The following BICDL2 variants were observed in gnomAD, a reference collection of about 807,000 sequenced individuals.
The protein encoded by BICDL2 is BICD family like cargo adaptor 2, also known as BICD family-like cargo adapter 2.
Under a neutral mutation model 56.6 loss-of-function variants are expected in BICDL2, and 62 were observed. The observed-to-expected ratio is 1.10, with a 90% CI of 0.89 to 1.35. The LOEUF is 1.35. BICDL2 is among the 40% of genes most tolerant of loss of function. The pLI is 0.00. For synonymous variants in BICDL2, 358 were observed against 319.8 expected (o/e 1.12, Z -1.27); for missense variants, 808 against 684.5 (o/e 1.18, Z -2.01).
intron 2 of BICDL2, chr16:3,032,389 G>T (rs1955670109): frequency 6.6e-6 from 1 of 152,182 alleles, no homozygotes. Flanking sequence ...TTGTGGCCTG[G>T]ACACAATATC....
chr16:3,035,082 G>C, intron 2 of BICDL2, 133 bp downstream of exon 2: 2 of 907,792 alleles, frequency 2.2e-6, no homozygotes, highest in Non-Finnish European at 3.3e-6. Context: ...CTGTTCCAAA[G>C]TGCCCCCCTC....
In BICDL2 at chr16:3,028,707, C is replaced by G; in HGVS notation, c.1231G>C (p.Val411Leu). 4 of 1,568,788 alleles carry G rather than the reference C, an allele frequency of 2.5e-6. No individual in the cohort carries two copies. Among genetic ancestry groups the G allele is most frequent in the Non-Finnish European group, 3.5e-6 (4 of 1,157,018 alleles). The part of the protein sequence containing the change: ...HSALSDRDEA[V>L]NKALELSLQL... ...CAATGGCTTGAGGCTTACTTGTTCA[C>G]GGCCTCGTCCCGGTCTGAGAGGGCA... Residue 411 changes from valine (V) to leucine (L), a missense_variant, in exon 8 of 10, where the codon GTG (valine) becomes CTG (leucine). Val to Leu is a conservative substitution (Grantham distance 32). Coordinates refer to ENST00000572449, the MANE Select transcript of BICDL2 (RefSeq NM_001369667.1).
intron 5 of BICDL2, chr16:3,030,042 T>C (rs1362844446): frequency 4.1e-6 from 2 of 489,246 alleles, no homozygotes; most frequent in Admixed American, 7.8e-5. Context: ...AGGCTGCTTG[T>C]CCCACAGTAG....
At chr16:3,036,095 C>T in intron 1 of BICDL2, 1 of 359,076 alleles carries the variant, frequency 2.8e-6, no homozygotes, top group Non-Finnish European at 5.4e-6. Context: ...TTTGACTCCA[C>T]CCTCCAGACT....
chr16:3,029,696 A>T lies in BICDL2; in HGVS notation c.806T>A (p.Leu269Gln). ...GGAGACGCGCCGCTGCAGCCTCCGC[A>T]GCGCACTCAGCGCCTCCCCAGCCTC... ...RSEAGEALSA[L>Q]RRLQRRVSEL... The change falls in exon 6 of 10, where the codon CTG becomes CAG. Residue 269 changes from leucine (L) to glutamine (Q), a missense_variant. By Grantham distance (113) the Leu-to-Gln change is moderately radical (BLOSUM62 -2). Transcript: ENST00000572449. 1 of 1,540,652 alleles carries T rather than the reference A, an allele frequency of 6.5e-7. No homozygotes were observed. The highest frequency in any genetic ancestry group is 8.7e-7 in the Non-Finnish European group (1 of 1,150,062).
At chr16:3,036,401 A>T (rs1228168225) in intron 1 of BICDL2, 1 of 454,246 alleles carries the variant, frequency 2.2e-6, no homozygotes, top group Admixed American at 2.4e-5. Flanking sequence ...GGCTCGGGTC[A>T]GAGGGCCCGA....
intron 2 of BICDL2, chr16:3,032,085 C>G (rs575598997): frequency 6.6e-6 from 1 of 152,252 alleles, no homozygotes; most frequent in South Asian, 2.1e-4. Flanking sequence ...GCGTGCGCCA[C>G]CCTGCCCGGC....
intron 2 of BICDL2, among the ~76,000 whole-genome samples, chr16:3,034,513 C>T (rs1331381934): frequency 6.6e-6 from 1 of 152,112 alleles, no homozygotes; most frequent in Non-Finnish European, 1.5e-5. Flanking sequence ...AAGTCCCGAC[C>T]TCAAGTGATC....
Position 3,030,774 on chromosome 16 carries a change from G to A in BICDL2, c.537C>T (p.Asp179=), listed in dbSNP as rs375836145. ...QTEQELQREL[D]ALRGQCQAQA... is the part of the protein sequence containing the mutation. ...GAGCCTGGCACTGTCCCCGAAGGGC[G>A]TCCAGTTCCCTCTGAAGTTCCTGCT... is the stretch of plus-strand genomic sequence containing the variant. Residue 179 remains aspartate, a synonymous_variant, in exon 4 of 10, where the codon GAC becomes GAT. Transcript: ENST00000572449. 3.2e-5 allele frequency: 51 copies of A among 1,612,106 alleles called. No homozygotes were observed. In the African/African-American group the frequency reaches 5.3e-4, roughly 17 times the overall value.
At chr16:3,036,447 T>C (rs1480449037) in intron 1 of BICDL2, 1 of 455,680 alleles carries the variant, frequency 2.2e-6, no homozygotes. Flanking sequence ...CTCCGGGGGC[T>C]CACCACCCAC....
chr16:3,036,275 G>A (rs1955731988), intron 1 of BICDL2: 2 of 453,588 alleles, frequency 4.4e-6, no homozygotes, highest in Middle Eastern at 3.3e-4. Context: ...CGAGGTAACA[G>A]GTTGTGCCGG....
rs751689056 is a variant in BICDL2 at position 3,035,304 on chromosome 16, C to T, written c.193G>A (p.Ala65Thr). 2.5e-5 allele frequency: 39 copies of T among 1,566,228 alleles called. No individual in the cohort carries two copies. Among genetic ancestry groups the T allele is most frequent in the Admixed American group, 7.6e-5 (4 of 52,744 alleles). The change falls in exon 2 of 10, where the codon GCG becomes ACG. Residue 65 changes from alanine (A) to threonine (T), a missense_variant. By Grantham distance (58) the Ala-to-Thr change is moderately conservative. Coordinates refer to ENST00000572449, the MANE Select transcript of BICDL2 (RefSeq NM_001369667.1). ...QQKEKDLLLA[A>T]ELGKMLLERN... is the part of the protein sequence containing the mutation. The stretch of plus-strand genomic sequence containing the variant: ...TCCAGAAGCATCTTGCCGAGCTCCG[C>T]GGCCAACAGCAGGTCTTTCTCCTTC...
rs1314187664 is a variant in BICDL2 at position 3,031,106 on chromosome 16, G to C, written c.327C>G (p.Ala109=). The C allele has an allele frequency of 6.5e-7, 1 of 1,536,022 alleles. No homozygotes were observed. Among genetic ancestry groups the C allele is most frequent in the Non-Finnish European group, 8.7e-7 (1 of 1,146,616 alleles). Residue 109 remains alanine, a synonymous_variant, in exon 3 of 10, where the codon GCC becomes GCG. Transcript: ENST00000572449. ...ENHELRRGLA[A]RGAEWEARAV... Reference sequence around the variant, plus strand: ...CCCGGGCCTCCCACTCGGCTCCTCGGGCTGCCAGGCCTCGCCGGAGCTCAT... The same window carrying C: ...CCCGGGCCTCCCACTCGGCTCCTCGCGCTGCCAGGCCTCGCCGGAGCTCAT...
chr16:3,029,949 C>G (rs1011972596), intron 5 of BICDL2: 35 of 539,506 alleles, frequency 6.5e-5, no homozygotes, highest in South Asian at 1.0e-4. Context: ...CAGGGCCGCA[C>G]CTCGAAGAGC....
At position 3,029,751 on chromosome 16, in the gene BICDL2, C is replaced by G; in HGVS notation, c.763-12G>C. On this transcript the variant is annotated splice_polypyrimidine_tract_variant and intron_variant, in intron 5 of 9. Transcript: ENST00000572449. Reference sequence around the variant, plus strand: ...CGTGCGCGTTCCAGCTGTGGACGGTCCCGCAGACGGAAGCGCGGGCGGTCA... The same window carrying G: ...CGTGCGCGTTCCAGCTGTGGACGGTGCCGCAGACGGAAGCGCGGGCGGTCA... The G allele has an allele frequency of 6.8e-7, 1 of 1,464,076 alleles. No individual in the cohort carries two copies. The allele number at this position is 1,464,076 out of a possible 1,614,324, so 90.7% of individuals were successfully genotyped here. A position where few individuals can be genotyped will look rare whatever the true frequency, so the allele number is the denominator to read the frequency against.
chr16:3,031,238 C>G (rs545193542), intron 2 of BICDL2, 88 bp from the exon 3 acceptor site: 1 of 1,196,350 alleles, frequency 8.4e-7, no homozygotes, highest in Non-Finnish European at 1.2e-6. Flanking sequence ...GGGACAGACA[C>G]CTAGGGAGAA....
intron 8 of BICDL2, 112 bp downstream of exon 8, chr16:3,028,587 CA>C (rs1294924308): frequency 3.3e-6 from 5 of 1,520,618 alleles, no homozygotes; most frequent in Non-Finnish European, 3.5e-6. Flanking sequence ...TCAAGGAGGT[CA>C]GGGGGCCCCT....
At position 3,031,530 on chromosome 16, in the gene BICDL2, G is replaced by C. The variant is rs573660977; in HGVS notation, c.283-380C>G. 1.1e-5 allele frequency: 5 copies of C among 445,158 alleles called. No homozygotes were observed. In the East Asian group the frequency reaches 1.7e-4, roughly 15 times the overall value. The allele number at this position is 445,158 out of a possible 1,614,324, so 27.6% of individuals were successfully genotyped here. On this transcript the variant is annotated intron_variant, in intron 2 of 9. Coordinates refer to ENST00000572449, the MANE Select transcript of BICDL2 (RefSeq NM_001369667.1). ...ACACCTGCTGTGTCCCAGGGGCTCT[G>C]GAGGCCTGGACTCTGCCCAGCCCCC...
chr16:3,028,342 C>T lies in BICDL2; in HGVS notation c.1359+6G>A, dbSNP rs779489355. 50 of 1,550,322 alleles carry T rather than the reference C, an allele frequency of 3.2e-5. No homozygotes were observed. The African/African-American group carries it at 5.2e-4, about 16-fold the overall frequency. ...CCCCGCCCCGCACACGGGCCCCGCC[C>T]CTCACCTGCCAGGCCTCCAGCTCCT... On this transcript the variant is annotated splice_donor_region_variant and intron_variant, in intron 9 of 9. Coordinates refer to ENST00000572449, the MANE Select transcript of BICDL2 (RefSeq NM_001369667.1).
Sources: allele counts gnomAD v4.1 joint callset (sites outside exome capture counted in the v4.1 genomes callset), GRCh38; gene constraint gnomAD v4.1.1; transcripts MANE v1.5; gene names NCBI Gene and HGNC (gene_info 2026-07-23, HGNC 2026-07-21).